SGCD: variants seen among roughly 807,000 people sequenced by gnomAD.
SGCD encodes the protein delta-sarcoglycan.
A neutral mutation model predicts 36.6 loss-of-function variants in SGCD; 18 were observed. The observed-to-expected ratio is 0.49, with a 90% CI of 0.34 to 0.73. The LOEUF (loss-of-function observed/expected upper bound fraction) is 0.73. SGCD is among the 30% of genes least tolerant of loss of function. The pLI, the probability that SGCD is intolerant of heterozygous loss-of-function variation, is 0.01. For missense variants in SGCD, 387 were observed against 346.7 expected (o/e 1.12, Z -0.92); for synonymous variants, 133 against 130.6 (o/e 1.02, Z -0.12).
At chr5:155,994,193 C>T (rs1352169941) in intron 1 of SGCD, among the ~76,000 whole-genome samples, 1 of 152,176 alleles carries the variant, frequency 6.6e-6, no homozygotes, top group African/African-American at 2.4e-5. Context: ...TCCAAAAGGA[C>T]TTGACTTTAC....
intron 3 of SGCD, among the ~76,000 whole-genome samples, chr5:156,252,102 T>G (rs1329616340): frequency 6.6e-6 from 1 of 151,966 alleles, no homozygotes; most frequent in Admixed American, 6.6e-5. Context: ...GTTTCGCTCT[T>G]GTTTCCCAGA....
intron 3 of SGCD, among the ~76,000 whole-genome samples, chr5:156,394,619 A>G (rs1299224573): frequency 6.6e-6 from 1 of 152,218 alleles, no homozygotes; most frequent in East Asian, 1.9e-4. Flanking sequence ...TATATTTTGC[A>G]ATTGTGTTGG....
chr5:156,288,944 G>T (rs950090433), intron 3 of SGCD, among the ~76,000 whole-genome samples: 4 of 151,958 alleles, frequency 2.6e-5, no homozygotes, highest in African/African-American at 9.7e-5. Flanking sequence ...TTGCCCCCAT[G>T]GCCTCCTAGC....
the SGCD span, among the ~76,000 whole-genome samples, chr5:155,746,455 T>C: frequency 1.3e-5 from 2 of 152,058 alleles, no homozygotes; most frequent in Non-Finnish European, 2.9e-5. Context: ...TATGTAGTAG[T>C]AGAGTTTATT....
intron 3 of SGCD, among the ~76,000 whole-genome samples, chr5:156,355,584 C>A (rs1037277588): frequency 6.6e-6 from 1 of 152,208 alleles, no homozygotes; most frequent in Admixed American, 6.5e-5. Context: ...ATTCTCCCAA[C>A]TTGTAAAATA....
At chr5:156,313,674 G>A (rs111774982) in intron 3 of SGCD, among the ~76,000 whole-genome samples, 3 of 152,016 alleles carry the variant, frequency 2.0e-5, no homozygotes, top group African/African-American at 4.8e-5. Flanking sequence ...AATAGCTGAA[G>A]GAGTTTGTTA....
intron 3 of SGCD, among the ~76,000 whole-genome samples, chr5:156,173,300 T>C (rs921828454): frequency 5.3e-4 from 80 of 152,184 alleles, no homozygotes; most frequent in African/African-American, 1.8e-3. Context: ...CATTTCCTGG[T>C]ATGCAGTGTA....
chr5:156,609,814 C>T (rs959781639), intron 6 of SGCD, among the ~76,000 whole-genome samples: 1 of 152,156 alleles, frequency 6.6e-6, no homozygotes, highest in African/African-American at 2.4e-5. Context: ...ATCACTGATA[C>T]CCTTTCTTCC....
rs761976025 is a variant in SGCD at position 155,905,728 on chromosome 5, C to T, written c.-282+35304C>T. ...GGACCAGTCTTTCCTGTATTATTCTCGTGATAGTTAATAAGTCTCACGAGA... is the reference window on the plus strand; with the variant it reads ...GGACCAGTCTTTCCTGTATTATTCTTGTGATAGTTAATAAGTCTCACGAGA... On this transcript the variant is annotated intron_variant, in intron 1 of 9. Transcript: ENST00000517913. 5.9e-5 allele frequency among the ~76,000 whole-genome samples: 9 copies of T among 152,168 alleles called. No homozygotes were observed. In the South Asian group the frequency reaches 1.0e-3, roughly 18 times the overall value.
At chr5:156,363,254 C>T (rs926032343) in intron 3 of SGCD, among the ~76,000 whole-genome samples, 11 of 152,140 alleles carry the variant, frequency 7.2e-5, no homozygotes, top group Non-Finnish European at 8.8e-5. Context: ...TTCAGTTTAT[C>T]TACATTTCTA....
At chr5:156,175,746 G>C (rs2127624136) in intron 3 of SGCD, among the ~76,000 whole-genome samples, 1 of 152,248 alleles carries the variant, frequency 6.6e-6, no homozygotes, top group South Asian at 2.1e-4. Context: ...CTTTTAGAAA[G>C]ACATGCTGTT....
At chr5:155,808,452 CA>C in the SGCD span, among the ~76,000 whole-genome samples, 1 of 152,278 alleles carries the variant, frequency 6.6e-6, no homozygotes, top group Non-Finnish European at 1.5e-5. Flanking sequence ...GAGACAGAGA[CA>C]CCAGCTCTCT....
chr5:156,045,058 T>C (rs1759728432), intron 1 of SGCD, among the ~76,000 whole-genome samples: 1 of 152,156 alleles, frequency 6.6e-6, no homozygotes. Flanking sequence ...AGTTATTCCA[T>C]GGCAGAAGTG....
chr5:155,844,116 A>G, the SGCD span, among the ~76,000 whole-genome samples: 5 of 41,366 alleles, frequency 1.2e-4, no homozygotes, highest in South Asian at 2.6e-3. Flanking sequence ...TCAAAAGGGG[A>G]AAAAAAAACA....
At chr5:156,226,098 G>A (rs373945145) in intron 3 of SGCD, among the ~76,000 whole-genome samples, 28 of 152,114 alleles carry the variant, frequency 1.8e-4, no homozygotes, top group Middle Eastern at 6.8e-3. Flanking sequence ...TTACTGGGGG[G>A]ACAGGTGGTG....
At chr5:156,545,058 C>T (rs1046899057) in intron 4 of SGCD, among the ~76,000 whole-genome samples, 1 of 152,106 alleles carries the variant, frequency 6.6e-6, no homozygotes, top group African/African-American at 2.4e-5. Flanking sequence ...AGAGGTTGTT[C>T]CAGACAGTTC....
chr5:156,608,546 G>C (rs1369459646), intron 6 of SGCD, among the ~76,000 whole-genome samples: 1 of 152,214 alleles, frequency 6.6e-6, no homozygotes, highest in Non-Finnish European at 1.5e-5. Flanking sequence ...GAGTTCTGTA[G>C]ATGTCTATCA....
chr5:156,406,819 T>TACACACACAC (rs58920671), intron 3 of SGCD, among the ~76,000 whole-genome samples: 9 of 104,316 alleles, frequency 8.6e-5, no homozygotes, highest in African/African-American at 3.4e-4. Flanking sequence ...TATATATATA[T>TACACACACAC]ACACACACAC....
At chr5:156,660,307 A>G (rs1763860804) in intron 7 of SGCD, among the ~76,000 whole-genome samples, 1 of 152,378 alleles carries the variant, frequency 6.6e-6, no homozygotes, top group African/African-American at 2.4e-5. Flanking sequence ...TTGGCAGGGC[A>G]GCGATCATCT....
Sources: allele counts gnomAD v4.1 joint callset (sites outside exome capture counted in the v4.1 genomes callset), GRCh38; gene constraint gnomAD v4.1.1; transcripts MANE v1.5; gene names NCBI Gene and HGNC (gene_info 2026-07-23, HGNC 2026-07-21).